The following ASAH2 variants were observed in gnomAD, a reference collection of about 807,000 sequenced individuals.
The protein encoded by ASAH2 is N-acylsphingosine amidohydrolase 2, also known as neutral ceramidase.
ASAH2 carries 58 observed loss-of-function variants against 82.9 expected under a neutral mutation model. The ratio of observed to expected loss-of-function variants is 0.70; its 90% CI spans 0.57 to 0.87. The LOEUF (loss-of-function observed/expected upper bound fraction) is 0.87, where lower values mean the gene tolerates loss of function less well. ASAH2 is among the 40% of genes least tolerant of loss of function. ASAH2 has a pLI of 0.00. For synonymous variants in ASAH2, 276 were observed against 289.7 expected (o/e 0.95, Z 0.48); for missense variants, 779 against 834.0 (o/e 0.93, Z 0.81).
At chr10:50,242,680 A>G (rs1192536920) in intron 4 of ASAH2, among the ~76,000 whole-genome samples, 1 of 152,094 alleles carries the variant, frequency 6.6e-6, no homozygotes, top group Non-Finnish European at 1.5e-5. Flanking sequence ...TGGATGTGAC[A>G]ATTTCAAATT....
chr10:50,203,614 G>T, intron 15 of ASAH2, 26 bp downstream of exon 15: 2 of 1,532,104 alleles, frequency 1.3e-6, no homozygotes, highest in South Asian at 1.1e-5. Flanking sequence ...TGAACATGTA[G>T]ATATGTTATT....
intron 16 of ASAH2, among the ~76,000 whole-genome samples, chr10:50,200,708 G>A (rs1431920094): frequency 1.3e-5 from 2 of 151,970 alleles, no homozygotes; most frequent in Non-Finnish European, 2.9e-5. Flanking sequence ...TCATCATTAT[G>A]CCCCAGAAAG....
intron 18 of ASAH2, among the ~76,000 whole-genome samples, chr10:50,193,789 AAG>A (rs1269089277): frequency 1.4e-4 from 21 of 152,084 alleles, no homozygotes; most frequent in African/African-American, 4.3e-4. Flanking sequence ...ATTAGAAAGA[AAG>A]AGGGGATATC....
At chr10:50,220,559 A>G (rs1845715485) in intron 7 of ASAH2, among the ~76,000 whole-genome samples, 1 of 152,132 alleles carries the variant, frequency 6.6e-6, no homozygotes, top group African/African-American at 2.4e-5. Flanking sequence ...ACATGTTCTC[A>G]CTTATAAGTG....
In ASAH2 at chr10:50,218,623, C is replaced by G. The variant is rs751862170; in HGVS notation, c.901G>C (p.Ala301Pro). The G allele has an allele frequency of 6.8e-6, 11 of 1,613,692 alleles. No homozygotes were observed. The South Asian group carries it at 1.1e-4, about 16-fold the overall frequency. Residue 301 changes from alanine (A) to proline (P), a missense_variant, in exon 8 of 21, where the codon GCC becomes CCC. Physicochemically the swap from Ala to Pro is conservative, Grantham distance 27. Around this residue, in one of 3 missense-constraint regions of ASAH2, gnomAD observed 759 missense variants for 755.2 expected, o/e 1.00. Transcript: ENST00000682911. ...GDDLGLISWF[A>P]IHPVSMNNSN... Reference sequence around the variant, plus strand: ...TTGTTCATGCTGACCGGGTGGATGGCAAACCAGCTGTAAAAGAGCAAGAAG... The same window carrying G: ...TTGTTCATGCTGACCGGGTGGATGGGAAACCAGCTGTAAAAGAGCAAGAAG...
intron 18 of ASAH2, among the ~76,000 whole-genome samples, chr10:50,195,087 T>G (rs1181383273): frequency 6.7e-6 from 1 of 149,512 alleles, no homozygotes; most frequent in African/African-American, 2.5e-5. Context: ...AAAAAAACAA[T>G]TAACAAAGTG....
intron 7 of ASAH2, among the ~76,000 whole-genome samples, chr10:50,231,592 C>G (rs1043479793): frequency 6.6e-6 from 1 of 152,106 alleles, no homozygotes; most frequent in Admixed American, 6.6e-5. Context: ...TTGCCTTATT[C>G]ATCATAACAT....
At chr10:50,203,359 T>G (rs1210350443) in intron 15 of ASAH2, among the ~76,000 whole-genome samples, 1 of 152,018 alleles carries the variant, frequency 6.6e-6, no homozygotes, top group East Asian at 1.9e-4. Flanking sequence ...TCACAGGAAT[T>G]TAAGATATTG....
chr10:50,211,473 C>T (rs946056484), intron 10 of ASAH2, among the ~76,000 whole-genome samples: 2,103 of 152,234 alleles, frequency 0.014, 26 homozygotes, highest in Non-Finnish European at 0.024. Context: ...AAAATACTTT[C>T]TTTGCTAGAG....
Position 50,245,231 on chromosome 10 carries a change from A to G in ASAH2, c.351T>C (p.Asp117=). Residue 117 remains aspartate, a synonymous_variant, in exon 3 of 21, where the codon GAT becomes GAC. Transcript: ENST00000682911. The part of the protein sequence containing the change: ...GRADCTGQVA[D]INLMGYGKSG... ...CCCATTGTCTACTTGCCAAATTGAT[A>G]TCTGCTACTTGTCCTGTGCAGTCAG... 3 of 1,613,514 alleles carry G rather than the reference A, an allele frequency of 1.9e-6. No individual in the cohort carries two copies. The highest frequency in any genetic ancestry group is 2.2e-5 in the South Asian group (2 of 91,032).
At chr10:50,242,726 T>C (rs1171501758) in intron 4 of ASAH2, among the ~76,000 whole-genome samples, 2 of 152,190 alleles carry the variant, frequency 1.3e-5, no homozygotes, top group South Asian at 2.1e-4. Flanking sequence ...AATGAATCCC[T>C]ATGTGCCTAT....
At chr10:50,212,416 T>C (rs1028310664) in intron 10 of ASAH2, among the ~76,000 whole-genome samples, 1 of 152,052 alleles carries the variant, frequency 6.6e-6, no homozygotes, top group East Asian at 1.9e-4. Context: ...GAGACCAGAT[T>C]TGATGAAGAG....
chr10:50,210,943 A>T, intron 11 of ASAH2, 39 bp from the exon 12 acceptor site: 1 of 1,607,734 alleles, frequency 6.2e-7, no homozygotes, highest in Non-Finnish European at 8.5e-7. Flanking sequence ...AAAATGAAAA[A>T]GACAAAAGTT....
intron 12 of ASAH2, 126 bp downstream of exon 12, chr10:50,210,697 T>C (rs1477137647): frequency 1.2e-5 from 11 of 921,098 alleles, no homozygotes; most frequent in Non-Finnish European, 1.8e-5. Flanking sequence ...TGTACAAACC[T>C]GGAAAACCAG....
At chr10:50,239,078 C>T (rs973032104) in intron 4 of ASAH2, among the ~76,000 whole-genome samples, 4 of 152,106 alleles carry the variant, frequency 2.6e-5, no homozygotes, top group African/African-American at 4.8e-5. Context: ...TATTCCATTT[C>T]GTCTCACTGA....
chr10:50,218,598 T>C lies in ASAH2; in HGVS notation c.926A>G (p.Asn309Ser), dbSNP rs1564841389. ...WFAIHPVSMN[N>S]SNHLVNSDNV... is the part of the protein sequence containing the mutation. ...GTCACTGTTTACAAGATGGTTACTG[T>C]TGTTCATGCTGACCGGGTGGATGGC... is the stretch of plus-strand genomic sequence containing the variant. Residue 309 changes from asparagine to serine, a missense_variant, in exon 8 of 21, where the codon AAC becomes AGC. Around this residue, in one of 3 missense-constraint regions of ASAH2, gnomAD observed 759 missense variants for 755.2 expected, o/e 1.00. Coordinates refer to ENST00000682911, the MANE Select transcript of ASAH2 (RefSeq NM_019893.4). 3.1e-6 allele frequency: 5 copies of C among 1,613,850 alleles called. No individual in the cohort carries two copies. The highest frequency in any genetic ancestry group is 2.2e-5 in the East Asian group (1 of 44,878).
In ASAH2 at chr10:50,238,735, A is replaced by G. The variant is rs1223507212; in HGVS notation, c.511-2671T>C. ...TCCTATTTATTCCTAAAGAACTGTGACATTAGGGCTTTAGAATTAAATGCA... is the reference window on the plus strand; with the variant it reads ...TCCTATTTATTCCTAAAGAACTGTGGCATTAGGGCTTTAGAATTAAATGCA... On this transcript the variant is annotated intron_variant, in intron 4 of 20. Coordinates refer to ENST00000682911, the MANE Select transcript of ASAH2 (RefSeq NM_019893.4). 1.2e-4 allele frequency among the ~76,000 whole-genome samples: 18 copies of G among 152,294 alleles called. No individual in the cohort carries two copies. In the East Asian group the frequency reaches 3.1e-3, roughly 26 times the overall value.
In ASAH2 at chr10:50,248,607, C is replaced by T; in HGVS notation, c.4G>A (p.Ala2Thr). The T allele has an allele frequency of 1.2e-6, 2 of 1,612,994 alleles. No individual in the cohort carries two copies. The highest frequency in any genetic ancestry group is 1.1e-5 in the South Asian group (1 of 90,880). The change falls in exon 2 of 21, where the codon GCC (alanine) becomes ACC (threonine). Residue 2 changes from alanine (A) to threonine (T), a missense_variant. Coordinates refer to ENST00000682911, the MANE Select transcript of ASAH2 (RefSeq NM_019893.4). M[A>T]KRTFSNLETF... Reference sequence around the variant, plus strand: ...TCCAAGTTAGAGAAGGTGCGTTTGGCCATTTCTTCTCAGGTACAGCAGAGA... The same window carrying T: ...TCCAAGTTAGAGAAGGTGCGTTTGGTCATTTCTTCTCAGGTACAGCAGAGA...
chr10:50,242,135 C>G (rs1846315868), intron 4 of ASAH2, among the ~76,000 whole-genome samples: 2 of 152,188 alleles, frequency 1.3e-5, no homozygotes, highest in Non-Finnish European at 2.9e-5. Context: ...GGAAAGTTAC[C>G]TACCTTCTCT....
Sources: gnomAD v4.1 joint callset for allele counts (sites outside exome capture counted in the v4.1 genomes callset) on GRCh38, gnomAD v4.1.1 for gene constraint, gnomAD v4.1.1 regional missense constraint, MANE v1.5 for transcripts, NCBI Gene and HGNC (gene_info 2026-07-23, HGNC 2026-07-21) for gene names.